Variants in MALRD1 observed in about 807,000 individuals in gnomAD.
MALRD1 encodes the protein MAM and LDL receptor class A domain containing 1, also known as MAM and LDL-receptor class A domain-containing protein 1.
Under a neutral mutation model 242.1 loss-of-function variants are expected in MALRD1, and 247 were observed. The ratio of observed to expected loss-of-function variants is 1.02; its 90% CI spans 0.92 to 1.13. The LOEUF (loss-of-function observed/expected upper bound fraction) is 1.13. MALRD1 is among the 50% of genes most tolerant of loss of function. The pLI is 0.00. For synonymous variants in MALRD1, 995 were observed against 866.6 expected, an observed-to-expected ratio of 1.15 and a Z score of -2.60; for missense variants, 2,989 against 2,533.1, an observed-to-expected ratio of 1.18 and a Z score of -3.86.
intron 31 of MALRD1, among the ~76,000 whole-genome samples, chr10:19,510,228 A>C (rs1833333914): frequency 6.6e-6 from 1 of 152,158 alleles, no homozygotes; most frequent in African/African-American, 2.4e-5. Context: ...TATACAATCG[A>C]GTTTTACACT....
chr10:19,576,760 ATCC>A (rs1165061866), intron 33 of MALRD1, among the ~76,000 whole-genome samples: 1 of 152,238 alleles, frequency 6.6e-6, no homozygotes, highest in East Asian at 1.9e-4. Flanking sequence ...TCTTGTGTAA[ATCC>A]TCCTCCAATT....
intron 38 of MALRD1, among the ~76,000 whole-genome samples, chr10:19,704,017 C>T (rs1480323277): frequency 6.6e-6 from 1 of 152,172 alleles, no homozygotes; most frequent in Admixed American, 6.5e-5. Flanking sequence ...TAGACTGTAT[C>T]TTTGACTGGG....
chr10:19,121,655 G>C lies in MALRD1; in HGVS notation c.695-1837G>C, dbSNP rs1022257866. On this transcript the variant is annotated intron_variant, in intron 5 of 39. Transcript: ENST00000454679. ...AATTGGCAGTATGATTCCTTAAATAGCCGAGCAGAGATGAAATTTCTGTCT... is the reference window on the plus strand; with the variant it reads ...AATTGGCAGTATGATTCCTTAAATACCCGAGCAGAGATGAAATTTCTGTCT... Among the ~76,000 whole-genome samples the C allele has an allele frequency of 2.6e-5, 4 of 152,164 alleles. No homozygotes were observed. In the East Asian group the frequency reaches 5.8e-4, roughly 22 times the overall value.
intron 7 of MALRD1, among the ~76,000 whole-genome samples, 188 bp downstream of exon 7, chr10:19,124,858 A>G (rs1331677423): frequency 2.6e-5 from 4 of 151,004 alleles, no homozygotes; most frequent in African/African-American, 9.7e-5. Context: ...CAAGAATTAT[A>G]CTAGGTTAAC....
chr10:19,619,116 A>G (rs1205389208), intron 36 of MALRD1, among the ~76,000 whole-genome samples: 1 of 152,052 alleles, frequency 6.6e-6, no homozygotes, highest in Non-Finnish European at 1.5e-5. Context: ...CACGTGTTCT[A>G]AAAGACCAGT....
chr10:19,181,358 A>G (rs1046475982), intron 14 of MALRD1, among the ~76,000 whole-genome samples: 2 of 152,214 alleles, frequency 1.3e-5, no homozygotes, highest in East Asian at 3.8e-4. Flanking sequence ...CTAAAGAAAC[A>G]GTGGAATATT....
chr10:19,238,347 C>T (rs180893349), intron 18 of MALRD1, among the ~76,000 whole-genome samples: 2,091 of 39,920 alleles, frequency 0.052, 91 homozygotes, highest in Middle Eastern at 0.11. Flanking sequence ...ATATATTATA[C>T]ATAATATATA....
At chr10:19,223,133 C>A (rs1564478595) in intron 18 of MALRD1, among the ~76,000 whole-genome samples, 1 of 152,092 alleles carries the variant, frequency 6.6e-6, no homozygotes, top group Non-Finnish European at 1.5e-5. Context: ...CATATACAAG[C>A]TTTTATATTA....
chr10:19,262,580 T>C (rs2131822679), intron 19 of MALRD1, among the ~76,000 whole-genome samples: 1 of 147,442 alleles, frequency 6.8e-6, no homozygotes, highest in East Asian at 2.0e-4. Context: ...TGCTTGAAAC[T>C]GGGAGGTGGA....
chr10:19,733,544 T>G (rs1474471406), intron 39 of MALRD1, among the ~76,000 whole-genome samples: 2 of 151,978 alleles, frequency 1.3e-5, no homozygotes, highest in Non-Finnish European at 2.9e-5. Context: ...TGTTGCTATA[T>G]TTTAAAAATC....
At chr10:19,351,237 C>A (rs1273237556) in intron 25 of MALRD1, among the ~76,000 whole-genome samples, 1 of 152,130 alleles carries the variant, frequency 6.6e-6, no homozygotes, top group Non-Finnish European at 1.5e-5. Context: ...AAGACAAAAG[C>A]TTTAAAGGCT....
intron 14 of MALRD1, among the ~76,000 whole-genome samples, chr10:19,179,664 A>T (rs1835413829): frequency 6.6e-6 from 1 of 152,140 alleles, no homozygotes; most frequent in Non-Finnish European, 1.5e-5. Flanking sequence ...TTCTTATCAC[A>T]ATATATGTAT....
Position 19,203,885 on chromosome 10 carries a change from G to A in MALRD1, c.2104+5G>A. ...ATAGTCTCAACGCATCTCAAGGTAA[G>A]AAGCAAACAGGGACTCTACAACCAC... On this transcript the variant is annotated splice_donor_5th_base_variant and intron_variant, in intron 15 of 39. Coordinates refer to ENST00000454679, the MANE Select transcript of MALRD1 (RefSeq NM_001142308.3). 1 of 1,550,450 alleles carries A rather than the reference G, an allele frequency of 6.4e-7. No homozygotes were observed. Among genetic ancestry groups the A allele is most frequent in the Non-Finnish European group, 8.7e-7 (1 of 1,146,898 alleles).
intron 20 of MALRD1, among the ~76,000 whole-genome samples, chr10:19,281,368 C>A (rs1349950254): frequency 1.3e-5 from 2 of 152,134 alleles, no homozygotes; most frequent in African/African-American, 2.4e-5. Flanking sequence ...TAATTAATTA[C>A]ACAAAATGAG....
At chr10:19,465,630 C>T (rs1466804517) in intron 29 of MALRD1, among the ~76,000 whole-genome samples, 1 of 152,058 alleles carries the variant, frequency 6.6e-6, no homozygotes, top group African/African-American at 2.4e-5. Context: ...TCACAGGCTC[C>T]AGCAATCCTC....
At chr10:19,224,355 C>A (rs557013817) in intron 18 of MALRD1, among the ~76,000 whole-genome samples, 1 of 148,088 alleles carries the variant, frequency 6.8e-6, no homozygotes, top group Non-Finnish European at 1.5e-5. Context: ...GGCACAATTT[C>A]GGCTCACTGC....
rs1376259921 is a variant in MALRD1 at position 19,237,572 on chromosome 10, A to G, written c.2992-20112A>G. On this transcript the variant is annotated intron_variant, in intron 18 of 39. Transcript: ENST00000454679. ...TAATTATAATTACACATAAAATTAT[A>G]TATAATTATAATTATATAATTATAT... 3.8e-3 allele frequency among the ~76,000 whole-genome samples: 355 copies of G among 93,824 alleles called. 3 individuals are homozygous for G. Among genetic ancestry groups the G allele is most frequent in the Non-Finnish European group, 5.4e-3 (263 of 49,064 alleles). The allele number at this position is 93,824 out of a possible 152,430, so 61.6% of individuals were successfully genotyped here.
chr10:19,631,415 C>T (rs959525611), intron 36 of MALRD1, among the ~76,000 whole-genome samples: 5 of 152,120 alleles, frequency 3.3e-5, no homozygotes, highest in African/African-American at 1.2e-4. Context: ...GTAAGTTGAT[C>T]CCATATCTTT....
intron 14 of MALRD1, among the ~76,000 whole-genome samples, chr10:19,190,656 T>C (rs1193397272): frequency 5.8e-5 from 4 of 68,900 alleles, no homozygotes; most frequent in Admixed American, 3.7e-4. Flanking sequence ...TATGAACAAG[T>C]GATTTTTTTT....
Sources: allele counts gnomAD v4.1 joint callset (sites outside exome capture counted in the v4.1 genomes callset), GRCh38; gene constraint gnomAD v4.1.1; transcripts MANE v1.5; gene names NCBI Gene and HGNC (gene_info 2026-07-23, HGNC 2026-07-21).